Variants in SF3B5 observed in about 807,000 individuals in gnomAD.
The protein encoded by SF3B5 is pre-mRNA-splicing factor SF3b 10 kDa subunit.
SF3B5 carries 3 observed loss-of-function variants against 7.0 expected under a neutral mutation model. The ratio of observed to expected loss-of-function variants is 0.43; its 90% CI spans 0.19 to 1.10. The LOEUF (loss-of-function observed/expected upper bound fraction) is 1.10, where lower values mean the gene tolerates loss of function less well. Ranked by LOEUF, SF3B5 falls within the 50% of genes least tolerant of loss-of-function variation. The probability of loss-of-function intolerance (pLI) is 0.29; values close to 1 mark genes in which losing one functional copy is unlikely to be tolerated. For missense variants in SF3B5, 73 were observed against 113.6 expected (o/e 0.64, Z 1.63); for synonymous variants, 51 against 44.8 (o/e 1.14, Z -0.55).
Position 144,094,964 on chromosome 6 carries a change from A to G in SF3B5, c.*273T>C, listed in dbSNP as rs116855210. The G allele has an allele frequency of 1.9e-6, 1 of 531,790 alleles. No homozygotes were observed. The highest frequency in any genetic ancestry group is 2.4e-5 in the South Asian group (1 of 42,254). 32.9% of individuals were successfully genotyped at this position (531,790 alleles called of 1,614,324 possible). ...GAGACGCCAAATCCCATCTCACTCC[A>G]GCGCCATGCCCTCTTCTCAAACGCT... On this transcript the variant is annotated 3_prime_UTR_variant, in exon 1 of 1. Transcript: ENST00000367569.
Position 144,095,103 on chromosome 6 carries a change from C to A in SF3B5, c.*134G>T. 1 of 1,424,246 alleles carries A rather than the reference C, an allele frequency of 7.0e-7. No individual in the cohort carries two copies. 88.2% of individuals were successfully genotyped at this position (1,424,246 alleles called of 1,614,324 possible). ...TCAGGCGGGACTCCCCGGGCAAGCA[C>A]TTCTGTACGCGGAAAGCACGAGGCG... On this transcript the variant is annotated 3_prime_UTR_variant, in exon 1 of 1. Transcript: ENST00000367569. The surrounding 1 kb of genome is among the most constrained non-coding windows in gnomAD (Gnocchi z 4.3).
chr6:144,095,178 T>C lies in SF3B5; in HGVS notation c.*59A>G, dbSNP rs148417075. The C allele has an allele frequency of 1.3e-4, 209 of 1,606,234 alleles. No homozygotes were observed. Among genetic ancestry groups the C allele is most frequent in the Middle Eastern group, 6.3e-4 (3 of 4,792 alleles). Reference sequence around the variant, plus strand: ...TTGGAGACAGGAATACTTAAGAGGATTGGCAAACCGGAGAAACGCTGGGAG... The same window carrying C: ...TTGGAGACAGGAATACTTAAGAGGACTGGCAAACCGGAGAAACGCTGGGAG... On this transcript the variant is annotated 3_prime_UTR_variant, in exon 1 of 1. Transcript: ENST00000367569. This position sits in a 1 kb window ranked among gnomAD's most constrained non-coding sequence, Gnocchi z 4.3.
Position 144,095,215 on chromosome 6 carries a change from A to C in SF3B5, c.*22T>G. ...AGAAACGCTGGGAGAGGTGCCCCGC[A>C]CTGCGGTGGTAAGGCAGAGTCTCAG... is the stretch of plus-strand genomic sequence containing the variant. On this transcript the variant is annotated 3_prime_UTR_variant, in exon 1 of 1. Coordinates refer to ENST00000367569, the MANE Select transcript of SF3B5 (RefSeq NM_031287.3). This position sits in a 1 kb window ranked among gnomAD's most constrained non-coding sequence, Gnocchi z 4.3. 3 of 1,613,102 alleles carry C rather than the reference A, an allele frequency of 1.9e-6. No individual in the cohort carries two copies. Among genetic ancestry groups the C allele is most frequent in the Non-Finnish European group, 2.5e-6 (3 of 1,179,436 alleles).
Position 144,095,306 on chromosome 6 carries a change from G to T in SF3B5, c.192C>A (p.Val64=), listed in dbSNP as rs752599454. The T allele has an allele frequency of 6.2e-7, 1 of 1,614,266 alleles. No individual in the cohort carries two copies. The highest frequency in any genetic ancestry group is 1.1e-5 in the South Asian group (1 of 91,086). The change falls in exon 1 of 1, where the codon GTC becomes GTA. Residue 64 remains valine, a synonymous_variant. Coordinates refer to ENST00000367569, the MANE Select transcript of SF3B5 (RefSeq NM_031287.3). The surrounding 1 kb of genome is among the most constrained non-coding windows in gnomAD (Gnocchi z 4.3). ...AIAENESKAR[V]RFNLMEKMLQ... is the part of the protein sequence containing the mutation. Reference sequence around the variant, plus strand: ...GCATCTTTTCCATCAAGTTGAAGCGGACTCGCGCTTTGCTCTCATTCTCCG... The same window carrying T: ...GCATCTTTTCCATCAAGTTGAAGCGTACTCGCGCTTTGCTCTCATTCTCCG...
Position 144,095,104 on chromosome 6 carries a change from T to C in SF3B5, c.*133A>G. 1.4e-6 allele frequency: 2 copies of C among 1,426,468 alleles called. No individual in the cohort carries two copies. Among genetic ancestry groups the C allele is most frequent in the Non-Finnish European group, 1.9e-6 (2 of 1,039,962 alleles). 88.4% of individuals were successfully genotyped at this position (1,426,468 alleles called of 1,614,324 possible). On this transcript the variant is annotated 3_prime_UTR_variant, in exon 1 of 1. Coordinates refer to ENST00000367569, the MANE Select transcript of SF3B5 (RefSeq NM_031287.3). The surrounding 1 kb of genome is among the most constrained non-coding windows in gnomAD (Gnocchi z 4.3). ...CAGGCGGGACTCCCCGGGCAAGCACTTCTGTACGCGGAAAGCACGAGGCGC... is the reference window on the plus strand; with the variant it reads ...CAGGCGGGACTCCCCGGGCAAGCACCTCTGTACGCGGAAAGCACGAGGCGC...
At position 144,095,201 on chromosome 6, in the gene SF3B5, G is replaced by A. The variant is rs1326161173; in HGVS notation, c.*36C>T. On this transcript the variant is annotated 3_prime_UTR_variant, in exon 1 of 1. Coordinates refer to ENST00000367569, the MANE Select transcript of SF3B5 (RefSeq NM_031287.3). The surrounding 1 kb of genome is among the most constrained non-coding windows in gnomAD (Gnocchi z 4.3). ...GATTGGCAAACCGGAGAAACGCTGG[G>A]AGAGGTGCCCCGCACTGCGGTGGTA... 4 of 1,611,302 alleles carry A rather than the reference G, an allele frequency of 2.5e-6. No homozygotes were observed. The highest frequency in any genetic ancestry group is 2.5e-6 in the Non-Finnish European group (3 of 1,178,316).
chr6:144,095,372 G>A lies in SF3B5; in HGVS notation c.126C>T (p.Ser42=), dbSNP rs770110077. Residue 42 remains serine (S), a synonymous_variant, in exon 1 of 1, where the codon TCC becomes TCT. Coordinates refer to ENST00000367569, the MANE Select transcript of SF3B5 (RefSeq NM_031287.3). This position sits in a 1 kb window ranked among gnomAD's most constrained non-coding sequence, Gnocchi z 4.3. ...LVNQHRDSYC[S]YMGHFDLLNY... is the part of the protein sequence containing the mutation. Reference sequence around the variant, plus strand: ...TGAGAAGGTCGAAGTGGCCCATGTAGGAGCAGTACGAGTCGCGGTGTTGGT... The same window carrying A: ...TGAGAAGGTCGAAGTGGCCCATGTAAGAGCAGTACGAGTCGCGGTGTTGGT... 2 of 1,614,256 alleles carry A rather than the reference G, an allele frequency of 1.2e-6. No individual in the cohort carries two copies. Among genetic ancestry groups the A allele is most frequent in the South Asian group, 1.1e-5 (1 of 91,080 alleles).
Position 144,095,287 on chromosome 6 carries a change from T to C in SF3B5, c.211A>G (p.Lys71Glu), listed in dbSNP as rs1428651378. 1 of 1,614,144 alleles carries C rather than the reference T, an allele frequency of 6.2e-7. No homozygotes were observed. Among genetic ancestry groups the C allele is most frequent in the East Asian group, 2.2e-5 (1 of 44,896 alleles). The change falls in exon 1 of 1, where the codon AAG (lysine) becomes GAG (glutamate). Residue 71 changes from lysine to glutamate, a missense_variant. Physicochemically the swap from Lys to Glu is moderately conservative, Grantham distance 56. Around this residue, in one of 2 missense-constraint regions of SF3B5, gnomAD observed 67 missense variants for 82.7 expected, o/e 0.81. Coordinates refer to ENST00000367569, the MANE Select transcript of SF3B5 (RefSeq NM_031287.3). The surrounding 1 kb of genome is among the most constrained non-coding windows in gnomAD (Gnocchi z 4.3). ...GGCGGTCCACAAGGCTGAAGCATCT[T>C]TTCCATCAAGTTGAAGCGGACTCGC... ...KARVRFNLME[K>E]MLQPCGPPAD... is the part of the protein sequence containing the mutation.
At position 144,095,546 on chromosome 6, in the gene SF3B5, T is replaced by C. The variant is rs1187119667; in HGVS notation, c.-49A>G. The stretch of plus-strand genomic sequence containing the variant: ...CAGGTCAGAGGACGCAGGTAACAAC[T>C]CGCCGCTCTAGCGTTTTACAGGAGA... On this transcript the variant is annotated 5_prime_UTR_variant, in exon 1 of 1. Transcript: ENST00000367569. The surrounding 1 kb of genome is among the most constrained non-coding windows in gnomAD (Gnocchi z 4.3). 2.5e-6 allele frequency: 4 copies of C among 1,604,948 alleles called. No homozygotes were observed. Among genetic ancestry groups the C allele is most frequent in the Admixed American group, 1.7e-5 (1 of 59,564 alleles).
At position 144,095,292 on chromosome 6, in the gene SF3B5, A is replaced by G; in HGVS notation, c.206T>C (p.Met69Thr). The G allele has an allele frequency of 2.5e-6, 4 of 1,614,228 alleles. No individual in the cohort carries two copies. The highest frequency in any genetic ancestry group is 3.4e-6 in the Non-Finnish European group (4 of 1,180,038). Residue 69 changes from methionine (M) to threonine (T), a missense_variant, in exon 1 of 1, where the codon ATG (methionine) becomes ACG (threonine). Met to Thr is a moderately conservative substitution (Grantham distance 81). Coordinates refer to ENST00000367569, the MANE Select transcript of SF3B5 (RefSeq NM_031287.3). This position sits in a 1 kb window ranked among gnomAD's most constrained non-coding sequence, Gnocchi z 4.3. ...ESKARVRFNLMEKMLQPCGPP... is the reference protein window; with the variant it reads ...ESKARVRFNLTEKMLQPCGPP... ...TCCACAAGGCTGAAGCATCTTTTCC[A>G]TCAAGTTGAAGCGGACTCGCGCTTT...
Position 144,095,211 on chromosome 6 carries a change from C to A in SF3B5, c.*26G>T. On this transcript the variant is annotated 3_prime_UTR_variant, in exon 1 of 1. Coordinates refer to ENST00000367569, the MANE Select transcript of SF3B5 (RefSeq NM_031287.3). The surrounding 1 kb of genome is among the most constrained non-coding windows in gnomAD (Gnocchi z 4.3). ...CCGGAGAAACGCTGGGAGAGGTGCC[C>A]CGCACTGCGGTGGTAAGGCAGAGTC... The A allele has an allele frequency of 2.5e-6, 4 of 1,612,446 alleles. No individual in the cohort carries two copies. The highest frequency in any genetic ancestry group is 3.4e-6 in the Non-Finnish European group (4 of 1,179,014).
Position 144,095,357 on chromosome 6 carries a change from G to A in SF3B5, c.141C>T (p.Phe47=), listed in dbSNP as rs145221994. The A allele has an allele frequency of 4.3e-6, 7 of 1,614,260 alleles. No homozygotes were observed. The highest frequency in any genetic ancestry group is 5.1e-6 in the Non-Finnish European group (6 of 1,180,052). The change falls in exon 1 of 1, where the codon TTC becomes TTT. Residue 47 remains phenylalanine (F), a synonymous_variant. Coordinates refer to ENST00000367569, the MANE Select transcript of SF3B5 (RefSeq NM_031287.3). The surrounding 1 kb of genome is among the most constrained non-coding windows in gnomAD (Gnocchi z 4.3). ...RDSYCSYMGH[F]DLLNYFAIAE... ...CAATGGCGAAGTAGTTGAGAAGGTCGAAGTGGCCCATGTAGGAGCAGTACG... is the reference window on the plus strand; with the variant it reads ...CAATGGCGAAGTAGTTGAGAAGGTCAAAGTGGCCCATGTAGGAGCAGTACG...
Position 144,095,345 on chromosome 6 carries a change from G to A in SF3B5, c.153C>T (p.Asn51=). The change falls in exon 1 of 1, where the codon AAC becomes AAT. Residue 51 remains asparagine, a synonymous_variant. Transcript: ENST00000367569. This position sits in a 1 kb window ranked among gnomAD's most constrained non-coding sequence, Gnocchi z 4.3. ...CSYMGHFDLL[N]YFAIAENESK... ...TCTCATTCTCCGCAATGGCGAAGTA[G>A]TTGAGAAGGTCGAAGTGGCCCATGT... The A allele has an allele frequency of 1.9e-6, 3 of 1,614,296 alleles. No individual in the cohort carries two copies. Among genetic ancestry groups the A allele is most frequent in the Non-Finnish European group, 2.5e-6 (3 of 1,180,058 alleles).
Position 144,095,320 on chromosome 6 carries a change from T to C in SF3B5, c.178A>G (p.Ser60Gly). 1 of 1,614,248 alleles carries C rather than the reference T, an allele frequency of 6.2e-7. No individual in the cohort carries two copies. Among genetic ancestry groups the C allele is most frequent in the South Asian group, 1.1e-5 (1 of 91,092 alleles). Residue 60 changes from serine to glycine, a missense_variant, in exon 1 of 1, where the codon AGC becomes GGC. Physicochemically the swap from Ser to Gly is moderately conservative, Grantham distance 56. Coordinates refer to ENST00000367569, the MANE Select transcript of SF3B5 (RefSeq NM_031287.3). The surrounding 1 kb of genome is among the most constrained non-coding windows in gnomAD (Gnocchi z 4.3). ...LNYFAIAENESKARVRFNLME... is the reference protein window; with the variant it reads ...LNYFAIAENEGKARVRFNLME... ...AAGTTGAAGCGGACTCGCGCTTTGC[T>C]CTCATTCTCCGCAATGGCGAAGTAG...
Position 144,095,008 on chromosome 6 carries a change from T to C in SF3B5, c.*229A>G, listed in dbSNP as rs1167935910. ...AAACGCTCGCCGGCTCTAGGACCTCTCCACCAGCACAGTTCTCAGGAGTCC... is the reference window on the plus strand; with the variant it reads ...AAACGCTCGCCGGCTCTAGGACCTCCCCACCAGCACAGTTCTCAGGAGTCC... On this transcript the variant is annotated 3_prime_UTR_variant, in exon 1 of 1. Transcript: ENST00000367569. This position sits in a 1 kb window ranked among gnomAD's most constrained non-coding sequence, Gnocchi z 4.3. 35 of 632,594 alleles carry C rather than the reference T, an allele frequency of 5.5e-5. No individual in the cohort carries two copies. Among genetic ancestry groups the C allele is most frequent in the Non-Finnish European group, 6.6e-5 (24 of 366,000 alleles). 39.2% of individuals were successfully genotyped at this position (632,594 alleles called of 1,614,324 possible).
chr6:144,095,426 G>A lies in SF3B5; in HGVS notation c.72C>T (p.Ala24=). 6.2e-7 allele frequency: 1 copy of A among 1,614,250 alleles called. No individual in the cohort carries two copies. The highest frequency in any genetic ancestry group is 8.5e-7 in the Non-Finnish European group (1 of 1,180,050). ...CCAGCCACTCCCACTTGGTGGTGTC[G>A]GCGTGGCCCGTGCCGATGTACTTGG... is the stretch of plus-strand genomic sequence containing the variant. The part of the protein sequence containing the change: ...LQSKYIGTGH[A]DTTKWEWLVN... The change falls in exon 1 of 1, where the codon GCC becomes GCT. Residue 24 remains alanine (A), a synonymous_variant. Coordinates refer to ENST00000367569, the MANE Select transcript of SF3B5 (RefSeq NM_031287.3). This position sits in a 1 kb window ranked among gnomAD's most constrained non-coding sequence, Gnocchi z 4.3.
Position 144,095,321 on chromosome 6 carries a change from C to CT in SF3B5, c.176dup (p.Ser60GlufsTer51). 4 of 1,614,264 alleles carry CT rather than the reference C, an allele frequency of 2.5e-6. No individual in the cohort carries two copies. The highest frequency in any genetic ancestry group is 3.4e-6 in the Non-Finnish European group (4 of 1,180,058). On this transcript the variant is annotated frameshift_variant, in exon 1 of 1. Coordinates refer to ENST00000367569, the MANE Select transcript of SF3B5 (RefSeq NM_031287.3). LOFTEE classifies it high-confidence loss of function. This position sits in a 1 kb window ranked among gnomAD's most constrained non-coding sequence, Gnocchi z 4.3. The stretch of plus-strand genomic sequence containing the variant: ...AGTTGAAGCGGACTCGCGCTTTGCT[C>CT]TCATTCTCCGCAATGGCGAAGTAGT...
chr6:144,095,477 G>A lies in SF3B5; in HGVS notation c.21C>T (p.Ile7=). Residue 7 remains isoleucine, a synonymous_variant, in exon 1 of 1, where the codon ATC becomes ATT. Coordinates refer to ENST00000367569, the MANE Select transcript of SF3B5 (RefSeq NM_031287.3). This position sits in a 1 kb window ranked among gnomAD's most constrained non-coding sequence, Gnocchi z 4.3. ...ACTGCAGGTGCTCCAGCTGGCTATG[G>A]ATGGTGTAGCGGTCAGTCATCTCGC... MTDRYT[I]HSQLEHLQSK... 1 of 1,614,246 alleles carries A rather than the reference G, an allele frequency of 6.2e-7. No individual in the cohort carries two copies. The highest frequency in any genetic ancestry group is 8.5e-7 in the Non-Finnish European group (1 of 1,180,040).
At position 144,095,170 on chromosome 6, in the gene SF3B5, TAA is replaced by T; in HGVS notation, c.*65_*66del. The T allele has an allele frequency of 6.2e-7, 1 of 1,602,174 alleles. No homozygotes were observed. The highest frequency in any genetic ancestry group is 8.5e-7 in the Non-Finnish European group (1 of 1,173,412). On this transcript the variant is annotated 3_prime_UTR_variant, in exon 1 of 1. Transcript: ENST00000367569. The surrounding 1 kb of genome is among the most constrained non-coding windows in gnomAD (Gnocchi z 4.3). ...CCGGTCCTTTGGAGACAGGAATACT[TAA>T]GAGGATTGGCAAACCGGAGAAACGC... is the stretch of plus-strand genomic sequence containing the variant.
Sources: gnomAD v4.1 joint callset for allele counts on GRCh38, gnomAD v4.1.1 for gene constraint, gnomAD v4.1.1 regional missense constraint, Gnocchi (gnomAD v3.1) non-coding constraint, MANE v1.5 for transcripts, NCBI Gene and HGNC (gene_info 2026-07-23, HGNC 2026-07-21) for gene names.